ATP6V1H: variants seen among roughly 807,000 people sequenced by gnomAD.
ATP6V1H encodes the protein ATPase H+ transporting V1 subunit H.
A neutral mutation model predicts 71.7 loss-of-function variants in ATP6V1H; 39 were observed. That is an observed-to-expected ratio of 0.54 (90% CI 0.42 to 0.71). ATP6V1H has a LOEUF of 0.71. ATP6V1H is among the 30% of genes least tolerant of loss of function. The pLI, the probability that ATP6V1H is intolerant of heterozygous loss-of-function variation, is 0.00. For synonymous variants in ATP6V1H, 192 were observed against 199.3 expected (o/e 0.96, Z 0.31); for missense variants, 509 against 594.9 (o/e 0.86, Z 1.50).
At chr8:53,775,794 A>C (rs998821659) in intron 9 of ATP6V1H, among the ~76,000 whole-genome samples, 1 of 151,684 alleles carries the variant, frequency 6.6e-6, no homozygotes, top group Non-Finnish European at 1.5e-5. Context: ...AGACATAAAG[A>C]CTCTCCACGT....
chr8:53,762,262 TA>T (rs4013980), intron 11 of ATP6V1H, among the ~76,000 whole-genome samples: 1,920 of 142,494 alleles, frequency 0.013, 36 homozygotes, highest in African/African-American at 0.044. Context: ...ATAGGAACAC[TA>T]AAAAAAAAAA....
chr8:53,743,751 GC>G, intron 12 of ATP6V1H, 61 bp from the exon 13 acceptor site: 7 of 1,209,854 alleles, frequency 5.8e-6, no homozygotes, highest in Non-Finnish European at 8.3e-6. Context: ...CAGTTTGTAA[GC>G]AGGCAGCTCA....
At chr8:53,762,847 CAT>C (rs1258723778) in intron 11 of ATP6V1H, among the ~76,000 whole-genome samples, 1 of 120,358 alleles carries the variant, frequency 8.3e-6, no homozygotes, top group Admixed American at 8.7e-5. Flanking sequence ...TTCTTACACC[CAT>C]TTGCCACCCC....
chr8:53,790,951 T>C (rs1809546299), intron 9 of ATP6V1H, among the ~76,000 whole-genome samples: 1 of 152,204 alleles, frequency 6.6e-6, no homozygotes, highest in South Asian at 2.1e-4. Flanking sequence ...TAAAACCACA[T>C]TATTTTTATA....
intron 12 of ATP6V1H, among the ~76,000 whole-genome samples, chr8:53,754,862 T>C (rs903679321): frequency 2.0e-5 from 3 of 152,212 alleles, no homozygotes; most frequent in Non-Finnish European, 4.4e-5. Flanking sequence ...GTCCTTATTT[T>C]AAGGCGAGAC....
chr8:53,788,264 C>G (rs1809445887), intron 9 of ATP6V1H, among the ~76,000 whole-genome samples: 1 of 152,122 alleles, frequency 6.6e-6, no homozygotes, highest in African/African-American at 2.4e-5. Context: ...TGCCATTGGA[C>G]TGGGTCTATT....
chr8:53,729,791 T>C (rs1806954198), intron 13 of ATP6V1H, among the ~76,000 whole-genome samples: 1 of 152,200 alleles, frequency 6.6e-6, no homozygotes. Flanking sequence ...CAGCCGCAGC[T>C]CTGTGGAAGT....
At chr8:53,765,659 G>A (rs1447186112) in intron 11 of ATP6V1H, among the ~76,000 whole-genome samples, 8 of 152,070 alleles carry the variant, frequency 5.3e-5, no homozygotes, top group Non-Finnish European at 8.8e-5. Flanking sequence ...GATATTCCAC[G>A]TTCACAAGTA....
chr8:53,774,837 G>A (rs896916094), intron 9 of ATP6V1H, among the ~76,000 whole-genome samples: 1 of 152,164 alleles, frequency 6.6e-6, no homozygotes, highest in African/African-American at 2.4e-5. Context: ...GGAGACAGAG[G>A]ACAATTCAGA....
At chr8:53,765,451 AACAACACACACACACACACACAC>A (rs1377566402) in intron 11 of ATP6V1H, among the ~76,000 whole-genome samples, 116 of 93,148 alleles carry the variant, frequency 1.2e-3, no homozygotes, top group Middle Eastern at 5.1e-3. Context: ...CAACAACAAC[AACAACACACACACACACACACAC>A]ACACACACAC....
intron 1 of ATP6V1H, among the ~76,000 whole-genome samples, 176 bp from the exon 2 acceptor site, chr8:53,841,901 T>TA (rs1462384046): frequency 2.0e-5 from 3 of 152,234 alleles, no homozygotes; most frequent in Non-Finnish European, 4.4e-5. Flanking sequence ...CACTGCTCCA[T>TA]AAAAGAGTTC....
intron 12 of ATP6V1H, among the ~76,000 whole-genome samples, chr8:53,755,718 ATATATATATATATATATAT>A (rs1808013818): frequency 2.0e-4 from 1 of 5,068 alleles, no homozygotes; most frequent in African/African-American, 1.1e-3. Context: ...ATATATATAT[ATATATATATATATATATAT>A]ATATATATTT....
intron 13 of ATP6V1H, among the ~76,000 whole-genome samples, chr8:53,741,599 G>A (rs1436986700): frequency 3.3e-5 from 5 of 152,164 alleles, no homozygotes; most frequent in Non-Finnish European, 7.3e-5. Flanking sequence ...CATAAGATAT[G>A]AAATTACTAA....
At chr8:53,833,695 C>T (rs1229491608) in intron 2 of ATP6V1H, among the ~76,000 whole-genome samples, 1 of 152,138 alleles carries the variant, frequency 6.6e-6, no homozygotes, top group African/African-American at 2.4e-5. Flanking sequence ...CTCCCCAGCA[C>T]TCAATCACTG....
rs1563457859 is a variant in ATP6V1H, at chr8:53,769,797, A to C, written c.1050-54T>G. The C allele has an allele frequency of 2.8e-6, 4 of 1,434,326 alleles. No homozygotes were observed. The East Asian group carries it at 7.1e-5, about 26-fold the overall frequency. 88.8% of individuals were successfully genotyped at this position (1,434,326 alleles called of 1,614,324 possible). ...TTTATAAGAATCTGACAGTACTCCAAAATTAAGCAAAATAAAATGTCTTCA... is the reference window on the plus strand; with the variant it reads ...TTTATAAGAATCTGACAGTACTCCACAATTAAGCAAAATAAAATGTCTTCA... On this transcript the variant is annotated intron_variant, in intron 10 of 13. Coordinates refer to ENST00000359530, the MANE Select transcript of ATP6V1H (RefSeq NM_015941.4).
chr8:53,721,904 G>A (rs972163649), intron 13 of ATP6V1H, among the ~76,000 whole-genome samples: 8 of 152,092 alleles, frequency 5.3e-5, no homozygotes, highest in Admixed American at 3.3e-4. Flanking sequence ...GGTGATCCAT[G>A]AAATTAAAAA....
rs1409371009 is a variant in ATP6V1H, at chr8:53,775,686, C to G, written c.871-3519G>C. On this transcript the variant is annotated intron_variant, in intron 9 of 13. Transcript: ENST00000359530. ...AGCTAGACATAAATGTTCTCCAAGGCCCCACCAGAGCAGCTAGATACAGAG... is the reference window on the plus strand; with the variant it reads ...AGCTAGACATAAATGTTCTCCAAGGGCCCACCAGAGCAGCTAGATACAGAG... 2.0e-5 allele frequency among the ~76,000 whole-genome samples: 3 copies of G among 150,644 alleles called. No individual in the cohort carries two copies. The East Asian group carries it at 5.8e-4, about 29-fold the overall frequency.
At chr8:53,784,604 C>T (rs1334005011) in intron 9 of ATP6V1H, among the ~76,000 whole-genome samples, 4 of 152,256 alleles carry the variant, frequency 2.6e-5, no homozygotes, top group South Asian at 2.1e-4. Context: ...TTATTCTGCT[C>T]GTTAGTTGAT....
chr8:53,772,837 C>T (rs1305035144), intron 9 of ATP6V1H, among the ~76,000 whole-genome samples: 2 of 121,984 alleles, frequency 1.6e-5, no homozygotes, highest in East Asian at 4.7e-4. Context: ...CAAGAAGCAA[C>T]AAGACAGACC....
Sources: allele counts gnomAD v4.1 joint callset (sites outside exome capture counted in the v4.1 genomes callset), GRCh38; gene constraint gnomAD v4.1.1; transcripts MANE v1.5; gene names NCBI Gene and HGNC (gene_info 2026-07-23, HGNC 2026-07-21).